Variants in HERC3 observed in about 807,000 individuals in gnomAD.
HERC3 encodes the protein HECT and RLD domain containing E3 ubiquitin protein ligase 3.
A neutral mutation model predicts 129.9 loss-of-function variants in HERC3; 58 were observed. The ratio of observed to expected loss-of-function variants is 0.45; its 90% confidence interval spans 0.36 to 0.56. The LOEUF (loss-of-function observed/expected upper bound fraction) is 0.56, where lower values mean the gene tolerates loss of function less well. HERC3 is among the 20% of genes least tolerant of loss of function. The probability of loss-of-function intolerance (pLI) is 0.00; values close to 1 mark genes in which losing one functional copy is unlikely to be tolerated. For synonymous variants in HERC3, 430 were observed against 451.0 expected (o/e 0.95, Z 0.59); for missense variants, 835 against 1,244.2 (o/e 0.67, Z 4.95).
chr4:88,566,253 TTA>T, the HERC3 span, among the ~76,000 whole-genome samples: 2 of 152,210 alleles, frequency 1.3e-5, no homozygotes, highest in African/African-American at 4.8e-5. Flanking sequence ...TGTGTTTCTT[TTA>T]TGTTTTTTGA....
chr4:88,585,057 T>C, the HERC3 span, among the ~76,000 whole-genome samples: 6,512 of 152,296 alleles, frequency 0.043, 387 homozygotes, highest in East Asian at 0.27. Flanking sequence ...GATTTGGTGT[T>C]GGGTAAGGAC....
the HERC3 span, among the ~76,000 whole-genome samples, chr4:88,540,958 G>A: frequency 7.2e-5 from 11 of 152,152 alleles, 1 homozygote; most frequent in South Asian, 2.3e-3. Context: ...AATATCGAAA[G>A]GAACAACCAG....
intron 23 of HERC3, among the ~76,000 whole-genome samples, chr4:88,702,073 C>T (rs956544310): frequency 1.3e-5 from 2 of 152,178 alleles, no homozygotes; most frequent in Non-Finnish European, 2.9e-5. Flanking sequence ...GGATTATAGG[C>T]ATGAGCCACT....
intron 1 of HERC3, among the ~76,000 whole-genome samples, chr4:88,594,812 A>G (rs866798906): frequency 6.6e-6 from 1 of 152,130 alleles, no homozygotes; most frequent in Non-Finnish European, 1.5e-5. Flanking sequence ...GACCGGGTGC[A>G]GTGACTGGCT....
At chr4:88,612,617 C>T (rs146635622) in intron 3 of HERC3, among the ~76,000 whole-genome samples, 312 of 152,238 alleles carry the variant, frequency 2.0e-3, no homozygotes, top group African/African-American at 6.4e-3. Flanking sequence ...TTCATTCTCA[C>T]CTTTGCATTC....
At chr4:88,632,810 C>T (rs779297451) in intron 3 of HERC3, among the ~76,000 whole-genome samples, 1 of 152,126 alleles carries the variant, frequency 6.6e-6, no homozygotes, top group Non-Finnish European at 1.5e-5. Context: ...AGAGTCCCAG[C>T]CGGAGAGGAC....
chr4:88,601,655 T>C (rs914386337), intron 2 of HERC3, among the ~76,000 whole-genome samples: 5 of 152,344 alleles, frequency 3.3e-5, no homozygotes, highest in Middle Eastern at 6.8e-3. Context: ...GAAGACACCT[T>C]TGAAGTCTGC....
At chr4:88,625,793 GGAT>G (rs1726034660) in intron 3 of HERC3, among the ~76,000 whole-genome samples, 1 of 151,976 alleles carries the variant, frequency 6.6e-6, no homozygotes, top group Admixed American at 6.6e-5. Context: ...GGGTTTTCAT[GGAT>G]GTCCTTTATC....
At chr4:88,555,279 C>T in the HERC3 span, among the ~76,000 whole-genome samples, 1 of 89,224 alleles carries the variant, frequency 1.1e-5, no homozygotes, top group Non-Finnish European at 1.8e-5. Context: ...GAGACTCCGT[C>T]TCAAAAAAAA....
intron 7 of HERC3, among the ~76,000 whole-genome samples, chr4:88,654,786 C>G (rs952032210): frequency 1.3e-5 from 2 of 151,980 alleles, no homozygotes; most frequent in African/African-American, 4.8e-5. Flanking sequence ...GTTAAAAAAA[C>G]AGCTTACTTA....
At chr4:88,553,679 G>C in the HERC3 span, among the ~76,000 whole-genome samples, 6 of 152,084 alleles carry the variant, frequency 3.9e-5, no homozygotes, top group East Asian at 9.7e-4. Context: ...AGGACTACAG[G>C]CACCACCACC....
chr4:88,578,454 C>T, the HERC3 span, among the ~76,000 whole-genome samples: 315 of 151,776 alleles, frequency 2.1e-3, 2 homozygotes, highest in Middle Eastern at 0.045. Context: ...TGGAGGGGGG[C>T]GCCTGTAGTC....
At chr4:88,618,028 G>A (rs1008679108) in intron 3 of HERC3, among the ~76,000 whole-genome samples, 3 of 152,336 alleles carry the variant, frequency 2.0e-5, no homozygotes, top group Non-Finnish European at 2.9e-5. Flanking sequence ...CGAGGATGTT[G>A]AGAAAAAGCT....
At chr4:88,642,254 T>TAAACAATAGGAA (rs1728199244) in intron 3 of HERC3, among the ~76,000 whole-genome samples, 1 of 152,086 alleles carries the variant, frequency 6.6e-6, no homozygotes, top group South Asian at 2.1e-4. Flanking sequence ...AAATCTGCTT[T>TAAACAATAGGAA]AAACAATAGG....
At chr4:88,584,750 T>C in the HERC3 span, among the ~76,000 whole-genome samples, 1 of 152,232 alleles carries the variant, frequency 6.6e-6, no homozygotes, top group East Asian at 1.9e-4. Context: ...ATGAATTTCC[T>C]AGCCTCCAGA....
At chr4:88,579,193 C>T in the HERC3 span, among the ~76,000 whole-genome samples, 29 of 147,098 alleles carry the variant, frequency 2.0e-4, no homozygotes, top group African/African-American at 7.2e-4. Context: ...ACCAGCTTGG[C>T]CAACGTGGTG....
intron 3 of HERC3, among the ~76,000 whole-genome samples, chr4:88,637,856 TAAA>T (rs1727603180): frequency 6.6e-6 from 1 of 151,832 alleles, no homozygotes; most frequent in Non-Finnish European, 1.5e-5. Context: ...GCTAGACTAA[TAAA>T]GAAGAAAAGA....
intron 3 of HERC3, among the ~76,000 whole-genome samples, chr4:88,636,901 C>A (rs535970694): frequency 1.3e-5 from 2 of 152,100 alleles, no homozygotes; most frequent in Non-Finnish European, 2.9e-5. Context: ...TTTGTGAGGC[C>A]GAGGTGGGCG....
At chr4:88,586,611 C>G in the HERC3 span, among the ~76,000 whole-genome samples, 40,085 of 151,860 alleles carry the variant, frequency 0.26, 9,837 homozygotes, top group African/African-American at 0.64. Context: ...CACCCGCCTC[C>G]GCCTCCCAAA....
Sources: allele counts gnomAD v4.1 joint callset (sites outside exome capture counted in the v4.1 genomes callset), GRCh38; gene constraint gnomAD v4.1.1; transcripts MANE v1.5; gene names NCBI Gene and HGNC (gene_info 2026-07-23, HGNC 2026-07-21).